Variants in GPC5 observed in about 807,000 individuals in gnomAD.
The protein encoded by GPC5 is glypican-5.
In GPC5, 47 loss-of-function variants were observed where a neutral mutation model predicts 53.9. The ratio of observed to expected loss-of-function variants is 0.87; its 90% CI spans 0.69 to 1.11. GPC5 has a LOEUF of 1.11. GPC5 is among the 50% of genes most tolerant of loss of function. The pLI is 0.00. For synonymous variants in GPC5, 286 were observed against 263.3 expected, an observed-to-expected ratio of 1.09 and a Z score of -0.84; for missense variants, 748 against 713.1, an observed-to-expected ratio of 1.05 and a Z score of -0.56.
intron 1 of GPC5, among the ~76,000 whole-genome samples, chr13:91,429,406 G>C (rs1276078031): frequency 1.3e-5 from 2 of 152,168 alleles, no homozygotes; most frequent in African/African-American, 4.8e-5. Context: ...AGGAGAGAAG[G>C]AGATAGGAAA....
At chr13:91,664,563 G>A (rs1179316194) in intron 2 of GPC5, among the ~76,000 whole-genome samples, 1 of 152,130 alleles carries the variant, frequency 6.6e-6, no homozygotes, top group Non-Finnish European at 1.5e-5. Flanking sequence ...ACTAAATGAT[G>A]GCGTTTTTCT....
intron 2 of GPC5, among the ~76,000 whole-genome samples, chr13:91,580,538 C>T (rs889329218): frequency 6.6e-6 from 1 of 152,164 alleles, no homozygotes; most frequent in Non-Finnish European, 1.5e-5. Context: ...CCTAGCTTTG[C>T]TCTTACTTCA....
chr13:92,325,695 A>C (rs1157473486), intron 7 of GPC5, among the ~76,000 whole-genome samples: 1 of 152,106 alleles, frequency 6.6e-6, no homozygotes, highest in Non-Finnish European at 1.5e-5. Flanking sequence ...CTCTTGGTAC[A>C]CAACATAAAG....
At chr13:92,367,495 C>G (rs1225471976) in intron 7 of GPC5, among the ~76,000 whole-genome samples, 1 of 152,060 alleles carries the variant, frequency 6.6e-6, no homozygotes, top group Non-Finnish European at 1.5e-5. Flanking sequence ...CAAACTTTTG[C>G]CATTTTTTAC....
intron 6 of GPC5, among the ~76,000 whole-genome samples, chr13:91,952,217 G>C (rs966051631): frequency 6.6e-6 from 1 of 151,750 alleles, no homozygotes; most frequent in Non-Finnish European, 1.5e-5. Context: ...GTATGTATTT[G>C]TGCATACTTG....
intron 2 of GPC5, among the ~76,000 whole-genome samples, chr13:91,529,475 A>T (rs1886237852): frequency 6.6e-6 from 1 of 152,176 alleles, no homozygotes; most frequent in Admixed American, 6.5e-5. Context: ...GAAGACATTT[A>T]TCTCTCTTTG....
Position 91,501,478 on chromosome 13 carries a change from G to A in GPC5, c.325+52556G>A, listed in dbSNP as rs529807140. 3.3e-4 allele frequency among the ~76,000 whole-genome samples: 50 copies of A among 152,062 alleles called. No homozygotes were observed. In the South Asian group the frequency reaches 0.01, roughly 31 times the overall value. On this transcript the variant is annotated intron_variant, in intron 2 of 7. Coordinates refer to ENST00000377067, the MANE Select transcript of GPC5 (RefSeq NM_004466.6). ...TTCTCATTGTTCAATTCCCACCTGTGAGTGAAAACATGTGGTGTTTGGTTT... is the reference window on the plus strand; with the variant it reads ...TTCTCATTGTTCAATTCCCACCTGTAAGTGAAAACATGTGGTGTTTGGTTT...
chr13:92,413,306 A>G (rs1368930878), intron 7 of GPC5, among the ~76,000 whole-genome samples: 1 of 152,226 alleles, frequency 6.6e-6, no homozygotes, highest in Non-Finnish European at 1.5e-5. Flanking sequence ...CAACACTGAG[A>G]CTTAAATGTT....
At chr13:92,742,208 A>G (rs1889117641) in intron 7 of GPC5, among the ~76,000 whole-genome samples, 1 of 151,172 alleles carries the variant, frequency 6.6e-6, no homozygotes, top group Non-Finnish European at 1.5e-5. Flanking sequence ...CCAACAGTGT[A>G]AAAGTGTTCC....
chr13:91,640,057 C>T (rs1222534863), intron 2 of GPC5, among the ~76,000 whole-genome samples: 3 of 151,650 alleles, frequency 2.0e-5, no homozygotes, highest in African/African-American at 7.3e-5. Flanking sequence ...ATAAATAATA[C>T]CCATAAAAGC....
intron 7 of GPC5, among the ~76,000 whole-genome samples, chr13:92,368,763 A>C (rs573990361): frequency 1.6e-4 from 24 of 152,292 alleles, no homozygotes; most frequent in African/African-American, 5.5e-4. Context: ...ATACAACTCA[A>C]ACTGCTGTAA....
At chr13:91,550,362 G>C (rs1170700884) in intron 2 of GPC5, among the ~76,000 whole-genome samples, 1 of 152,076 alleles carries the variant, frequency 6.6e-6, no homozygotes, top group African/African-American at 2.4e-5. Flanking sequence ...TATGTACTTT[G>C]GGTAATTATG....
intron 7 of GPC5, among the ~76,000 whole-genome samples, chr13:92,163,556 A>G (rs1459460406): frequency 6.6e-6 from 1 of 151,968 alleles, no homozygotes; most frequent in East Asian, 1.9e-4. Flanking sequence ...TATTTCCCCA[A>G]CATGCAGAAT....
At chr13:92,481,937 T>C (rs916966869) in intron 7 of GPC5, among the ~76,000 whole-genome samples, 2 of 152,062 alleles carry the variant, frequency 1.3e-5, no homozygotes, top group Non-Finnish European at 2.9e-5. Flanking sequence ...GAGATCAGCC[T>C]GGCCAATATG....
intron 2 of GPC5, among the ~76,000 whole-genome samples, chr13:91,596,230 A>G (rs770280631): frequency 7.2e-5 from 11 of 152,052 alleles, no homozygotes; most frequent in Non-Finnish European, 1.0e-4. Context: ...TATAATTTTA[A>G]TCTATTGTTG....
chr13:91,919,655 T>C (rs1006587335), intron 6 of GPC5, among the ~76,000 whole-genome samples: 5 of 152,120 alleles, frequency 3.3e-5, no homozygotes, highest in African/African-American at 1.2e-4. Flanking sequence ...GACAGGCGTG[T>C]ATTGCTTAAC....
At chr13:92,518,554 A>C (rs1880887032) in intron 7 of GPC5, among the ~76,000 whole-genome samples, 1 of 152,176 alleles carries the variant, frequency 6.6e-6, no homozygotes, top group Non-Finnish European at 1.5e-5. Flanking sequence ...GAGAAATAAA[A>C]TGCTTTACAG....
chr13:92,010,020 A>G (rs1022110307), intron 6 of GPC5, among the ~76,000 whole-genome samples: 1 of 152,232 alleles, frequency 6.6e-6, no homozygotes. Context: ...AACAAAGGAA[A>G]TAATATAAAA....
At chr13:92,219,539 T>C (rs1311124750) in intron 7 of GPC5, among the ~76,000 whole-genome samples, 1 of 152,100 alleles carries the variant, frequency 6.6e-6, no homozygotes, top group Non-Finnish European at 1.5e-5. Context: ...CAGAAGCTAC[T>C]CCCTTTTCAA....
Sources: allele counts gnomAD v4.1 joint callset (sites outside exome capture counted in the v4.1 genomes callset), GRCh38; gene constraint gnomAD v4.1.1; transcripts MANE v1.5; gene names NCBI Gene and HGNC (gene_info 2026-07-23, HGNC 2026-07-21).